The following NCAM2 variants were observed in gnomAD, a reference collection of about 807,000 sequenced individuals.
NCAM2 encodes neural cell adhesion molecule 2, also known as N-CAM-2.
A neutral mutation model predicts 98.1 loss-of-function variants in NCAM2; 30 were observed. The observed-to-expected ratio is 0.31, with a 90% CI of 0.23 to 0.41. NCAM2 has a LOEUF of 0.41. NCAM2 is among the 10% of genes least tolerant of loss of function. The pLI is 1.00. For synonymous variants in NCAM2, 368 were observed against 342.4 expected (o/e 1.07, Z -0.83); for missense variants, 867 against 1,005.8 (o/e 0.86, Z 1.87).
At chr21:21,512,685 G>A (rs185336067) in intron 16 of NCAM2, among the ~76,000 whole-genome samples, 1 of 152,028 alleles carries the variant, frequency 6.6e-6, no homozygotes, top group East Asian at 1.9e-4. Flanking sequence ...GAGTAGTATG[G>A]ACATTTTGAC....
chr21:21,136,866 C>G (rs2067066124), intron 1 of NCAM2, among the ~76,000 whole-genome samples: 1 of 150,734 alleles, frequency 6.6e-6, no homozygotes, highest in African/African-American at 2.4e-5. Context: ...AACTGTTCCT[C>G]AAAAGAAATT....
At chr21:21,412,194 A>G (rs907349396) in intron 10 of NCAM2, among the ~76,000 whole-genome samples, 66 of 152,300 alleles carry the variant, frequency 4.3e-4, no homozygotes, top group African/African-American at 1.5e-3. Flanking sequence ...CTGGACTTGT[A>G]CTTGGCCGCC....
chr21:21,024,339 T>G (rs1032185819), intron 1 of NCAM2, among the ~76,000 whole-genome samples: 1 of 152,114 alleles, frequency 6.6e-6, no homozygotes, highest in Admixed American at 6.5e-5. Flanking sequence ...AGTTTTCCCC[T>G]GGAACAAAGG....
intron 9 of NCAM2, among the ~76,000 whole-genome samples, chr21:21,377,165 T>C (rs185459350): frequency 9.2e-5 from 14 of 151,848 alleles, no homozygotes; most frequent in African/African-American, 3.4e-4. Context: ...AAATATCATC[T>C]CTTGTTAAGA....
At chr21:21,235,941 C>A (rs1463395145) in intron 1 of NCAM2, among the ~76,000 whole-genome samples, 1 of 151,968 alleles carries the variant, frequency 6.6e-6, no homozygotes, top group African/African-American at 2.4e-5. Flanking sequence ...ATTTCATAAC[C>A]AATTATTTCC....
chr21:21,432,374 T>C, intron 12 of NCAM2, 93 bp downstream of exon 12: 2 of 1,167,482 alleles, frequency 1.7e-6, no homozygotes, highest in Non-Finnish European at 2.4e-6. Flanking sequence ...CAACATTTTC[T>C]TTTCTTTTAA....
intron 1 of NCAM2, among the ~76,000 whole-genome samples, chr21:21,230,181 C>G (rs1177612536): frequency 6.6e-6 from 1 of 150,938 alleles, no homozygotes. Flanking sequence ...AAAAAAAATA[C>G]AGAAAATATT....
chr21:21,533,737 C>T (rs1028095205), intron 16 of NCAM2, among the ~76,000 whole-genome samples: 1 of 150,348 alleles, frequency 6.7e-6, no homozygotes, highest in African/African-American at 2.4e-5. Flanking sequence ...TCCTTGTCAT[C>T]ACCAAATAAC....
intron 1 of NCAM2, among the ~76,000 whole-genome samples, chr21:21,135,667 A>G (rs1161919544): frequency 2.6e-5 from 4 of 152,052 alleles, no homozygotes; most frequent in Admixed American, 6.5e-5. Flanking sequence ...TATCTCCACT[A>G]TTTCCGTGTC....
At chr21:21,314,108 C>A (rs2074142516) in intron 5 of NCAM2, among the ~76,000 whole-genome samples, 1 of 152,008 alleles carries the variant, frequency 6.6e-6, no homozygotes, top group Non-Finnish European at 1.5e-5. Flanking sequence ...CAGATATTTA[C>A]CGTTTGTAAC....
chr21:21,380,905 TCTC>T (rs1330550266), intron 9 of NCAM2, among the ~76,000 whole-genome samples: 6 of 135,194 alleles, frequency 4.4e-5, no homozygotes, highest in Non-Finnish European at 3.3e-5. Flanking sequence ...ATTAAATACC[TCTC>T]TTTTTCTCTG....
chr21:21,223,812 A>C (rs1364253339), intron 1 of NCAM2: 1 of 152,226 alleles, frequency 6.6e-6, no homozygotes. Flanking sequence ...AAACACTGCC[A>C]AACTGCATAC....
At chr21:21,464,171 A>ATGCTCT (rs1249669627) in intron 12 of NCAM2, among the ~76,000 whole-genome samples, 1 of 152,130 alleles carries the variant, frequency 6.6e-6, no homozygotes, top group African/African-American at 2.4e-5. Flanking sequence ...AGACTACTGA[A>ATGCTCT]TGCTCTTAAA....
intron 9 of NCAM2, among the ~76,000 whole-genome samples, chr21:21,377,620 TTATA>T (rs2076062544): frequency 6.6e-6 from 1 of 151,926 alleles, no homozygotes; most frequent in African/African-American, 2.4e-5. Context: ...GTAATTTTTG[TTATA>T]TGTATATAGT....
intron 15 of NCAM2, among the ~76,000 whole-genome samples, chr21:21,478,611 T>C (rs1209655448): frequency 6.6e-6 from 1 of 152,080 alleles, no homozygotes; most frequent in Non-Finnish European, 1.5e-5. Flanking sequence ...TAATTGATAT[T>C]AGAGCTTTAT....
At chr21:21,314,198 T>C (rs1440725941) in intron 5 of NCAM2, among the ~76,000 whole-genome samples, 1 of 152,118 alleles carries the variant, frequency 6.6e-6, no homozygotes, top group African/African-American at 2.4e-5. Flanking sequence ...AGCAATTCTT[T>C]TGTATCAGGT....
At chr21:21,477,167 TG>T (rs1367766436) in intron 14 of NCAM2, 123 bp from the exon 15 acceptor site, 1 of 612,534 alleles carries the variant, frequency 1.6e-6, no homozygotes, top group Admixed American at 3.6e-5. Context: ...TGTATCCCTG[TG>T]CCTATGAAAA....
At chr21:21,229,364 A>G (rs1385924582) in intron 1 of NCAM2, among the ~76,000 whole-genome samples, 1 of 151,572 alleles carries the variant, frequency 6.6e-6, no homozygotes, top group Non-Finnish European at 1.5e-5. Context: ...TATTCGAAAT[A>G]CATGGAAAAC....
chr21:21,125,457 TAG>T, intron 1 of NCAM2, among the ~76,000 whole-genome samples: 1 of 36,728 alleles, frequency 2.7e-5, no homozygotes, highest in East Asian at 1.0e-3. Flanking sequence ...ATTACATATA[TAG>T]AGACAGATAT....
Sources: allele counts gnomAD v4.1 joint callset (sites outside exome capture counted in the v4.1 genomes callset), GRCh38; gene constraint gnomAD v4.1.1; transcripts MANE v1.5; gene names NCBI Gene and HGNC (gene_info 2026-07-23, HGNC 2026-07-21).